Variants in GRM5 observed in about 807,000 individuals in gnomAD.
GRM5 encodes metabotropic glutamate receptor 5.
In GRM5, 19 loss-of-function variants were observed where a neutral mutation model predicts 83.1. That is an observed-to-expected ratio of 0.23 (90% CI 0.16 to 0.34). GRM5 has a LOEUF of 0.34. GRM5 is among the 10% of genes least tolerant of loss of function. The pLI is 1.00. For synonymous variants in GRM5, 675 were observed against 633.6 expected (o/e 1.07, Z -0.98); for missense variants, 1,160 against 1,588.3 (o/e 0.73, Z 4.58).
rs577413491 is a variant in GRM5 at position 88,883,388 on chromosome 11, A to G, written c.662-33233T>C. On this transcript the variant is annotated intron_variant, in intron 2 of 9. Coordinates refer to ENST00000305447, the MANE Select transcript of GRM5 (RefSeq NM_001143831.3). ...TGTTGGGAACTAGGTCACTCTTTCT[A>G]TGCAAAAAGACTGTGGGCATTTTGT... Among the ~76,000 whole-genome samples, 14 of 152,276 alleles carry G rather than the reference A, an allele frequency of 9.2e-5. No individual in the cohort carries two copies. In the East Asian group the frequency reaches 2.7e-3, roughly 29 times the overall value.
intron 3 of GRM5, among the ~76,000 whole-genome samples, chr11:88,834,923 T>C (rs769405803): frequency 3.3e-5 from 5 of 152,172 alleles, no homozygotes; most frequent in Non-Finnish European, 7.3e-5. Flanking sequence ...TCCTGCCTTT[T>C]ACTTAGGCTG....
intron 4 of GRM5, among the ~76,000 whole-genome samples, chr11:88,605,547 TA>T (rs1938117721): frequency 6.6e-6 from 1 of 152,144 alleles, no homozygotes; most frequent in South Asian, 2.1e-4. Flanking sequence ...AGTAAACATT[TA>T]TTAGAGTCAG....
At chr11:89,003,319 C>T (rs1318180690) in intron 2 of GRM5, among the ~76,000 whole-genome samples, 2 of 152,084 alleles carry the variant, frequency 1.3e-5, no homozygotes, top group African/African-American at 2.4e-5. Context: ...TGAAAAACCC[C>T]GGGATATAAA....
intron 2 of GRM5, among the ~76,000 whole-genome samples, chr11:88,892,239 C>A (rs1462438412): frequency 1.3e-5 from 2 of 151,640 alleles, no homozygotes; most frequent in Non-Finnish European, 2.9e-5. Context: ...GTATGCTTCC[C>A]CCTTTAAAGA....
chr11:88,691,632 C>T (rs548913666), intron 3 of GRM5, among the ~76,000 whole-genome samples: 1 of 152,244 alleles, frequency 6.6e-6, no homozygotes, highest in East Asian at 1.9e-4. Context: ...CATCTACTTT[C>T]ATTTTGTATT....
intron 2 of GRM5, among the ~76,000 whole-genome samples, chr11:88,987,576 G>C (rs1939771722): frequency 6.6e-6 from 1 of 151,684 alleles, no homozygotes; most frequent in Non-Finnish European, 1.5e-5. Context: ...CAAACAAAAA[G>C]ACAGCAGTAA....
intron 9 of GRM5, among the ~76,000 whole-genome samples, chr11:88,517,859 A>G (rs1444219533): frequency 6.6e-6 from 1 of 152,110 alleles, no homozygotes; most frequent in Non-Finnish European, 1.5e-5. Flanking sequence ...TATATATTGT[A>G]TATAACTACT....
chr11:88,517,932 A>T (rs993906412), intron 9 of GRM5, among the ~76,000 whole-genome samples: 5 of 152,100 alleles, frequency 3.3e-5, no homozygotes, highest in African/African-American at 1.2e-4. Context: ...GTGTGTACAT[A>T]TATATGTCTA....
chr11:88,844,609 A>T (rs974792278), intron 3 of GRM5, among the ~76,000 whole-genome samples: 9 of 152,222 alleles, frequency 5.9e-5, no homozygotes, highest in Non-Finnish European at 1.0e-4. Context: ...ACTGTCATAG[A>T]TGGTAATCCC....
chr11:88,932,527 A>G (rs1451617294), intron 2 of GRM5, among the ~76,000 whole-genome samples: 1 of 151,918 alleles, frequency 6.6e-6, no homozygotes, highest in Non-Finnish European at 1.5e-5. Context: ...TTTAGTTATT[A>G]TATCTGCTGT....
At chr11:88,907,084 T>A (rs1945416572) in intron 2 of GRM5, among the ~76,000 whole-genome samples, 1 of 152,098 alleles carries the variant, frequency 6.6e-6, no homozygotes, top group Non-Finnish European at 1.5e-5. Context: ...TTCTCGGTGT[T>A]CTATTTGCCT....
chr11:88,724,094 G>A (rs908257207), intron 3 of GRM5, among the ~76,000 whole-genome samples: 4 of 152,078 alleles, frequency 2.6e-5, no homozygotes, highest in African/African-American at 9.7e-5. Flanking sequence ...GGACTTACAT[G>A]TGCTCGTAGC....
intron 3 of GRM5, among the ~76,000 whole-genome samples, chr11:88,697,027 T>C (rs1240080855): frequency 1.3e-5 from 2 of 152,206 alleles, no homozygotes; most frequent in African/African-American, 4.8e-5. Context: ...TTTCAATATT[T>C]CCAGATTGGC....
At chr11:88,756,905 A>T (rs530360260) in intron 3 of GRM5, among the ~76,000 whole-genome samples, 1 of 152,312 alleles carries the variant, frequency 6.6e-6, no homozygotes, top group South Asian at 2.1e-4. Context: ...CACACATTTG[A>T]TGAAAGACAT....
intron 4 of GRM5, 106 bp downstream of exon 4, chr11:88,653,062 A>C: frequency 1.4e-6 from 1 of 701,078 alleles, no homozygotes; most frequent in Non-Finnish European, 2.5e-6. Flanking sequence ...TACTTATGTA[A>C]GAGTCCTCCC....
At chr11:88,519,930 T>A (rs958012299) in intron 9 of GRM5, among the ~76,000 whole-genome samples, 3 of 152,188 alleles carry the variant, frequency 2.0e-5, no homozygotes, top group African/African-American at 7.2e-5. Context: ...TGCTATAATA[T>A]AATCTGACGT....
intron 3 of GRM5, among the ~76,000 whole-genome samples, chr11:88,675,949 G>GAATC (rs1047083081): frequency 1.3e-5 from 2 of 151,964 alleles, no homozygotes; most frequent in African/African-American, 4.8e-5. Context: ...ACACGTAAGA[G>GAATC]AATCATAGTA....
intron 3 of GRM5, among the ~76,000 whole-genome samples, chr11:88,664,408 T>C (rs182295703): frequency 6.6e-6 from 1 of 152,026 alleles, no homozygotes; most frequent in East Asian, 1.9e-4. Context: ...CCCTAAACAA[T>C]AGAGTATGGC....
intron 3 of GRM5, among the ~76,000 whole-genome samples, chr11:88,665,350 A>C (rs1195908945): frequency 6.6e-6 from 1 of 152,144 alleles, no homozygotes; most frequent in Non-Finnish European, 1.5e-5. Context: ...CATGGAAAAG[A>C]CCAATTAGAA....
Sources: gnomAD v4.1 joint callset for allele counts (sites outside exome capture counted in the v4.1 genomes callset) on GRCh38, gnomAD v4.1.1 for gene constraint, MANE v1.5 for transcripts, NCBI Gene and HGNC (gene_info 2026-07-23, HGNC 2026-07-21) for gene names.